The following XPO5 variants were observed in gnomAD, a reference collection of about 807,000 sequenced individuals.
XPO5 encodes exportin-5.
A neutral mutation model predicts 160.6 loss-of-function variants in XPO5; 46 were observed. The ratio of observed to expected loss-of-function variants is 0.29; its 90% confidence interval spans 0.23 to 0.37. The LOEUF (loss-of-function observed/expected upper bound fraction) is 0.37, where lower values mean the gene tolerates loss of function less well. Ranked by LOEUF, XPO5 falls within the 10% of genes least tolerant of loss-of-function variation. The pLI is 1.00. For missense variants in XPO5, 1,090 were observed against 1,463.9 expected, an observed-to-expected ratio of 0.74 and a Z score of 4.17; for synonymous variants, 537 against 519.3, an observed-to-expected ratio of 1.03 and a Z score of -0.46.
chr6:43,567,552 C>T (rs1306378661), intron 6 of XPO5, among the ~76,000 whole-genome samples, 198 bp from the exon 7 acceptor site: 2 of 152,108 alleles, frequency 1.3e-5, no homozygotes, highest in African/African-American at 4.8e-5. Flanking sequence ...ACCATACTGG[C>T]ATGTGTGGCC....
intron 13 of XPO5, among the ~76,000 whole-genome samples, chr6:43,554,338 C>T (rs1761905260): frequency 6.6e-6 from 1 of 151,980 alleles, no homozygotes. Flanking sequence ...GTCTTAAACT[C>T]CTGACCTTGT....
Position 43,524,961 on chromosome 6 carries a change from G to T in XPO5, c.3182C>A (p.Ser1061Ter). 6.2e-7 allele frequency: 1 copy of T among 1,613,122 alleles called. No individual in the cohort carries two copies. The highest frequency in any genetic ancestry group is 8.5e-7 in the Non-Finnish European group (1 of 1,179,704). ...AACTGCATCTGCGAGCAGTGTCCCT[G>T]ACAGCACCTGGGGAGACAACTGTGC... is the stretch of plus-strand genomic sequence containing the variant. ...LCWPLLKQVL[S>*]GTLLADAVTW... The change falls in exon 30 of 32, where the codon TCA (serine) becomes TAA (stop). Residue 1061 changes from serine (S) to a stop codon, truncating the protein, a stop_gained. Coordinates refer to ENST00000265351, the MANE Select transcript of XPO5 (RefSeq NM_020750.3). LOFTEE classifies it high-confidence loss of function.
At chr6:43,549,389 A>T in intron 17 of XPO5, 100 bp downstream of exon 17, 2 of 1,194,030 alleles carry the variant, frequency 1.7e-6, no homozygotes, top group Non-Finnish European at 2.3e-6. Flanking sequence ...ATGCAAAGCT[A>T]TAGTTTCTAG....
intron 20 of XPO5, 109 bp from the exon 21 acceptor site, chr6:43,534,116 A>T: frequency 1.3e-6 from 1 of 752,270 alleles, no homozygotes; most frequent in Admixed American, 2.4e-5. Context: ...CTGCCCATCA[A>T]CTCCTGGCAG....
At chr6:43,550,419 T>G (rs1025816949) in intron 15 of XPO5, among the ~76,000 whole-genome samples, 1 of 152,170 alleles carries the variant, frequency 6.6e-6, no homozygotes, top group African/African-American at 2.4e-5. Flanking sequence ...TTTTCTGAAG[T>G]CCTACTGGTC....
chr6:43,536,823 A>C (rs543339285), intron 20 of XPO5, among the ~76,000 whole-genome samples: 38 of 151,012 alleles, frequency 2.5e-4, no homozygotes, highest in Non-Finnish European at 8.8e-5. Flanking sequence ...AAAACACCTG[A>C]AAATTTTTTC....
chr6:43,566,124 G>A (rs566125639), intron 7 of XPO5, among the ~76,000 whole-genome samples: 1 of 152,290 alleles, frequency 6.6e-6, no homozygotes, highest in South Asian at 2.1e-4. Flanking sequence ...CAGGTGCCGT[G>A]GCTCACACCT....
At chr6:43,553,656 C>T (rs1341935172) in intron 13 of XPO5, 153 bp from the exon 14 acceptor site, 23 of 1,391,604 alleles carry the variant, frequency 1.7e-5, no homozygotes, top group Non-Finnish European at 2.1e-5. Flanking sequence ...CCCCTCTCAG[C>T]TGGGGCAAAG....
At chr6:43,558,695 C>T (rs945390666) in intron 11 of XPO5, 104 bp from the exon 12 acceptor site, 40 of 826,362 alleles carry the variant, frequency 4.8e-5, no homozygotes, top group Admixed American at 3.3e-5. Flanking sequence ...AAGAGTTAAG[C>T]GTTTGCATGA....
chr6:43,541,384 ATATG>A (rs1261531182), intron 20 of XPO5, among the ~76,000 whole-genome samples: 1 of 152,382 alleles, frequency 6.6e-6, no homozygotes, highest in Middle Eastern at 3.4e-3. Context: ...CCCCATAAAT[ATATG>A]TATGTACTGT....
intron 24 of XPO5, 146 bp from the exon 25 acceptor site, chr6:43,528,351 G>T: frequency 1.3e-6 from 1 of 749,256 alleles, no homozygotes; most frequent in Non-Finnish European, 2.2e-6. Flanking sequence ...CACACCACAA[G>T]GTTAAAAAAA....
intron 5 of XPO5, 58 bp downstream of exon 5, chr6:43,570,444 T>C: frequency 2.0e-6 from 3 of 1,507,990 alleles, no homozygotes; most frequent in Non-Finnish European, 2.7e-6. Flanking sequence ...TACTGTAAGA[T>C]TAATCAAAAA....
intron 11 of XPO5, 52 bp from the exon 12 acceptor site, chr6:43,558,643 G>C (rs990794397): frequency 1.4e-6 from 2 of 1,397,174 alleles, no homozygotes; most frequent in East Asian, 5.0e-5. Flanking sequence ...CCCACTGAAA[G>C]AGTTTTTAAG....
At chr6:43,575,722 G>A (rs780689989) in intron 1 of XPO5, 38 bp downstream of exon 1, 1 of 1,567,490 alleles carries the variant, frequency 6.4e-7, no homozygotes, top group Non-Finnish European at 8.7e-7. Flanking sequence ...CTGGGAGAGG[G>A]TGTCGGGACC....
intron 19 of XPO5, 131 bp from the exon 20 acceptor site, chr6:43,546,883 C>G: frequency 1.1e-6 from 1 of 883,778 alleles, no homozygotes; most frequent in Non-Finnish European, 1.7e-6. Flanking sequence ...TCCTCTGCTC[C>G]CCGGCAATCC....
At chr6:43,574,734 C>A (rs114925248) in intron 1 of XPO5, among the ~76,000 whole-genome samples, 1,644 of 152,186 alleles carry the variant, frequency 0.011, 33 homozygotes, top group African/African-American at 0.037. Flanking sequence ...AAAGTAAATG[C>A]GGTAAAATCT....
chr6:43,551,531 A>T lies in XPO5; in HGVS notation c.1573-78T>A, dbSNP rs1795228823. 5 of 1,550,996 alleles carry T rather than the reference A, an allele frequency of 3.2e-6. No individual in the cohort carries two copies. In the South Asian group the frequency reaches 6.0e-5, roughly 18 times the overall value. ...ACCATTTTGGCTACATTTTATTTTC[A>T]TCTTTTAAAGAGACAGGGTCTCATT... On this transcript the variant is annotated intron_variant, in intron 14 of 31. Coordinates refer to ENST00000265351, the MANE Select transcript of XPO5 (RefSeq NM_020750.3).
At chr6:43,536,968 G>GT (rs1284959537) in intron 20 of XPO5, among the ~76,000 whole-genome samples, 1 of 150,970 alleles carries the variant, frequency 6.6e-6, no homozygotes, top group Non-Finnish European at 1.5e-5. Context: ...TTTTTGTTTT[G>GT]TTTTTTGTTT....
In XPO5 at chr6:43,551,322, C is replaced by T; in HGVS notation, c.1704G>A (p.Glu568=). ...ALFPFVTYRP[E]FLPQVFSKLF... is the part of the protein sequence containing the mutation. ...CCTTAGAGAAGACCTGGGGCAGGAACTCTGGTCTGTAGGTGACAAATGGAA... is the reference window on the plus strand; with the variant it reads ...CCTTAGAGAAGACCTGGGGCAGGAATTCTGGTCTGTAGGTGACAAATGGAA... The change falls in exon 15 of 32, where the codon GAG becomes GAA. Residue 568 remains glutamate (E), a synonymous_variant. Transcript: ENST00000265351. 6.2e-7 allele frequency: 1 copy of T among 1,613,300 alleles called. No homozygotes were observed. The highest frequency in any genetic ancestry group is 2.2e-5 in the East Asian group (1 of 44,862).
Sources: allele counts gnomAD v4.1 joint callset (sites outside exome capture counted in the v4.1 genomes callset), GRCh38; gene constraint gnomAD v4.1.1; transcripts MANE v1.5; gene names NCBI Gene and HGNC (gene_info 2026-07-23, HGNC 2026-07-21).